SLC44A1: variants seen among roughly 807,000 people sequenced by gnomAD.
SLC44A1 encodes choline transporter-like protein 1.
In SLC44A1, 26 loss-of-function variants were observed where a neutral mutation model predicts 79.3. The ratio of observed to expected loss-of-function variants is 0.33; its 90% CI spans 0.24 to 0.46. SLC44A1 has a LOEUF of 0.46. SLC44A1 is among the 20% of genes least tolerant of loss of function. The pLI is 1.00. For missense variants in SLC44A1, 688 were observed against 798.1 expected (o/e 0.86, Z 1.66); for synonymous variants, 263 against 286.2 (o/e 0.92, Z 0.82).
chr9:105,396,227 T>C lies in SLC44A1; in HGVS notation c.*7171T>C. 1.0e-6 allele frequency: 1 copy of C among 985,228 alleles called. No homozygotes were observed. Among genetic ancestry groups the C allele is most frequent in the Non-Finnish European group, 1.2e-6 (1 of 829,742 alleles). The allele number at this position is 985,228 out of a possible 1,614,324, so 61.0% of individuals were successfully genotyped here. On this transcript the variant is annotated 3_prime_UTR_variant, in exon 16 of 16. Transcript: ENST00000374720. The stretch of plus-strand genomic sequence containing the variant: ...TCCATAATGAAAGAAGTTGTTATAC[T>C]TTCTCAGAATATTCTGGACCACTGA...
chr9:105,389,453 G>T lies in SLC44A1; in HGVS notation c.*397G>T. 4.9e-6 allele frequency: 5 copies of T among 1,029,916 alleles called. No homozygotes were observed. Among genetic ancestry groups the T allele is most frequent in the Non-Finnish European group, 5.8e-6 (5 of 857,462 alleles). 63.8% of individuals were successfully genotyped at this position (1,029,916 alleles called of 1,614,324 possible). Reference sequence around the variant, plus strand: ...AATTATGTCTAAAGTTTATTCAGGGGTAATTTCCCTGATGTCTGTATAAAA... The same window carrying T: ...AATTATGTCTAAAGTTTATTCAGGGTTAATTTCCCTGATGTCTGTATAAAA... On this transcript the variant is annotated 3_prime_UTR_variant, in exon 16 of 16. Transcript: ENST00000374720.
intron 1 of SLC44A1, among the ~76,000 whole-genome samples, chr9:105,269,933 T>G (rs1830041022): frequency 6.6e-6 from 1 of 152,234 alleles, no homozygotes; most frequent in Non-Finnish European, 1.5e-5. Context: ...AGTAAATGTT[T>G]CAGTAAGCTT....
intron 15 of SLC44A1, among the ~76,000 whole-genome samples, chr9:105,412,842 A>G (rs1003849722): frequency 6.6e-6 from 1 of 151,978 alleles, no homozygotes; most frequent in Non-Finnish European, 1.5e-5. Context: ...GCCTCAGATG[A>G]TCCACCCGCC....
intron 1 of SLC44A1, among the ~76,000 whole-genome samples, chr9:105,294,336 T>G (rs142667359): frequency 3.0e-4 from 46 of 152,366 alleles, no homozygotes; most frequent in African/African-American, 1.1e-3. Flanking sequence ...AGAACTTTCC[T>G]TAACATTTCT....
At chr9:105,433,306 A>AACAG (rs1829421798) in intron 15 of SLC44A1, among the ~76,000 whole-genome samples, 1 of 152,194 alleles carries the variant, frequency 6.6e-6, no homozygotes, top group Admixed American at 6.5e-5. Context: ...CAAACAAACA[A>AACAG]ACAAACAAAC....
At chr9:105,363,460 G>A (rs1253116551) in intron 9 of SLC44A1, among the ~76,000 whole-genome samples, 2 of 151,820 alleles carry the variant, frequency 1.3e-5, no homozygotes, top group South Asian at 2.1e-4. Context: ...GTGAGCCACC[G>A]CACCTGGCCT....
chr9:105,352,324 ACCCC>A (rs1480011068), intron 5 of SLC44A1, among the ~76,000 whole-genome samples: 1 of 152,070 alleles, frequency 6.6e-6, no homozygotes, highest in Non-Finnish European at 1.5e-5. Context: ...TGAGATGCAG[ACCCC>A]TGCCTTCTTG....
chr9:105,368,029 T>C (rs115124558), intron 12 of SLC44A1, among the ~76,000 whole-genome samples: 6 of 152,272 alleles, frequency 3.9e-5, no homozygotes, highest in African/African-American at 1.4e-4. Context: ...AACAGGGTGA[T>C]ACAAAACTAT....
Position 105,415,214 on chromosome 9 carries a change from G to A in SLC44A1, c.1951-23067G>A, listed in dbSNP as rs940724163. On this transcript the variant is annotated intron_variant, in intron 15 of 15. Transcript: ENST00000374724. ...AGTAGGTGATTTTGAACAGCCCACAGTTCAAAGATTTCTCAAAGCCCACAG... is the reference window on the plus strand; with the variant it reads ...AGTAGGTGATTTTGAACAGCCCACAATTCAAAGATTTCTCAAAGCCCACAG... Among the ~76,000 whole-genome samples, 49 of 152,142 alleles carry A rather than the reference G, an allele frequency of 3.2e-4. 1 individual carries two copies. The highest frequency in any genetic ancestry group is 2.0e-3 in the Admixed American group (31 of 15,272).
chr9:105,379,644 T>A (rs1297756567), intron 13 of SLC44A1, among the ~76,000 whole-genome samples: 1 of 152,228 alleles, frequency 6.6e-6, no homozygotes, highest in Admixed American at 6.5e-5. Flanking sequence ...TAATAGTTTT[T>A]ATGGAATGTG....
At chr9:105,367,232 C>G (rs1239236668) in intron 12 of SLC44A1, among the ~76,000 whole-genome samples, 1 of 152,098 alleles carries the variant, frequency 6.6e-6, no homozygotes, top group African/African-American at 2.4e-5. Flanking sequence ...ACTTTCTCAC[C>G]ATTTACTGCT....
chr9:105,421,730 G>T (rs571008637), intron 15 of SLC44A1, among the ~76,000 whole-genome samples: 1 of 152,188 alleles, frequency 6.6e-6, no homozygotes, highest in East Asian at 1.9e-4. Flanking sequence ...TGGGACTACA[G>T]GTGCCTACCA....
intron 13 of SLC44A1, among the ~76,000 whole-genome samples, chr9:105,375,126 C>G (rs1277751666): frequency 2.6e-5 from 4 of 152,234 alleles, no homozygotes; most frequent in Non-Finnish European, 5.9e-5. Flanking sequence ...ACTGCAACCT[C>G]CGCCTCCTGG....
At chr9:105,385,715 G>A in intron 15 of SLC44A1, 6 of 985,404 alleles carry the variant, frequency 6.1e-6, no homozygotes, top group Non-Finnish European at 7.2e-6. Context: ...TAAGCTGAAA[G>A]GAACAGCATC....
chr9:105,351,632 GAGAAAGAAAGAAAGAA>G (rs55635937), intron 5 of SLC44A1, among the ~76,000 whole-genome samples: 1 of 101,356 alleles, frequency 9.9e-6, no homozygotes, highest in Non-Finnish European at 2.0e-5. Context: ...GAGAGAGAAA[GAGAAAGAAAGAAAGAA>G]AGAAAGAAAG....
intron 3 of SLC44A1, 73 bp downstream of exon 3, chr9:105,309,939 C>G: frequency 6.8e-7 from 1 of 1,467,128 alleles, no homozygotes; most frequent in Non-Finnish European, 9.3e-7. Flanking sequence ...GCTGTTCTTG[C>G]TGTTTTAAAG....
chr9:105,418,314 CA>C (rs10617928), intron 15 of SLC44A1, among the ~76,000 whole-genome samples: 4,771 of 57,964 alleles, frequency 0.082, 53 homozygotes, highest in African/African-American at 0.11. Flanking sequence ...AACTCCGTCT[CA>C]AAAAAAAAAA....
Position 105,391,783 on chromosome 9 carries a change from G to C in SLC44A1, c.*2727G>C. 1.0e-6 allele frequency: 1 copy of C among 985,330 alleles called. No homozygotes were observed. Among genetic ancestry groups the C allele is most frequent in the Non-Finnish European group, 1.2e-6 (1 of 829,898 alleles). The allele number at this position is 985,330 out of a possible 1,614,324, so 61.0% of individuals were successfully genotyped here. A position where few individuals can be genotyped will look rare whatever the true frequency, so the allele number is the denominator to read the frequency against. On this transcript the variant is annotated 3_prime_UTR_variant, in exon 16 of 16. Transcript: ENST00000374720. ...ATAGATGAAGAACAGAAATTTCTCTGTGAAATGTGGATACCCGAATAATTT... is the reference window on the plus strand; with the variant it reads ...ATAGATGAAGAACAGAAATTTCTCTCTGAAATGTGGATACCCGAATAATTT...
At chr9:105,271,117 G>A (rs534813752) in intron 1 of SLC44A1, among the ~76,000 whole-genome samples, 6 of 152,300 alleles carry the variant, frequency 3.9e-5, no homozygotes, top group African/African-American at 1.4e-4. Flanking sequence ...GTGGCTTTAA[G>A]TCCTTCTGTT....
Sources: gnomAD v4.1 joint callset for allele counts (sites outside exome capture counted in the v4.1 genomes callset) on GRCh38, gnomAD v4.1.1 for gene constraint, MANE v1.5 for transcripts, NCBI Gene and HGNC (gene_info 2026-07-23, HGNC 2026-07-21) for gene names.